TRPC4: variants seen among roughly 807,000 people sequenced by gnomAD.
TRPC4 encodes the protein transient receptor potential cation channel subfamily C member 4, also known as short transient receptor potential channel 4.
A neutral mutation model predicts 99.4 loss-of-function variants in TRPC4; 49 were observed. The observed-to-expected ratio is 0.49, with a 90% confidence interval of 0.39 to 0.63. The LOEUF (loss-of-function observed/expected upper bound fraction) is 0.63. Among genes scored for constraint, TRPC4 ranks in the 20% least tolerant of loss-of-function variants. The pLI, the probability that TRPC4 is intolerant of heterozygous loss-of-function variation, is 0.00. For missense variants in TRPC4, 898 were observed against 1,152.9 expected (o/e 0.78, Z 3.20); for synonymous variants, 454 against 425.9 (o/e 1.07, Z -0.81).
intron 1 of TRPC4, among the ~76,000 whole-genome samples, chr13:37,868,889 G>C (rs1248863164): frequency 1.3e-5 from 2 of 152,068 alleles, no homozygotes; most frequent in Non-Finnish European, 2.9e-5. Context: ...CTTGTCTCTA[G>C]TCGCAAAAGA....
chr13:37,688,807 T>C (rs1400048599), intron 4 of TRPC4, among the ~76,000 whole-genome samples: 1 of 152,098 alleles, frequency 6.6e-6, no homozygotes, highest in East Asian at 1.9e-4. Flanking sequence ...AGTCTACCAC[T>C]GAGACAATTA....
At chr13:37,704,402 T>A (rs888105192) in intron 3 of TRPC4, among the ~76,000 whole-genome samples, 2 of 152,118 alleles carry the variant, frequency 1.3e-5, no homozygotes, top group African/African-American at 4.8e-5. Flanking sequence ...ATAAAATAAG[T>A]CTGGCTGAGC....
At chr13:37,670,616 G>A (rs958167541) in intron 5 of TRPC4, among the ~76,000 whole-genome samples, 1 of 152,158 alleles carries the variant, frequency 6.6e-6, no homozygotes, top group Admixed American at 6.5e-5. Flanking sequence ...ATTTGTTCAA[G>A]TCCAATCTTC....
Position 37,636,942 on chromosome 13 carries a change from G to A in TRPC4, c.2895C>T (p.Asp965=), listed in dbSNP as rs115905341. Residue 965 remains aspartate, a synonymous_variant, in exon 11 of 11, where the codon GAC becomes GAT. Transcript: ENST00000379705. ...TCACGTAATCTTCGTGGGTGACTGT[G>A]TCTGGGAGGTTTAGATCATAGTCTA... is the stretch of plus-strand genomic sequence containing the variant. ...SSIDYDLNLP[D]TVTHEDYVTT... is the part of the protein sequence containing the mutation. The A allele has an allele frequency of 5.6e-6, 9 of 1,613,236 alleles. No homozygotes were observed. In the Middle Eastern group the frequency reaches 5.0e-4, roughly 89 times the overall value.
Position 37,692,007 on chromosome 13 carries a change from C to T in TRPC4, c.1226G>A (p.Trp409Ter). Residue 409 changes from tryptophan to a stop codon, truncating the protein, a stop_gained, in exon 4 of 11, where the codon TGG (tryptophan) becomes TAG (stop). Transcript: ENST00000379705. LOFTEE classifies it high-confidence loss of function. Reference protein sequence around the residue: ...PTIVEWMILPWVLGFIWGEIK... With the variant: ...PTIVEWMILP Reference sequence around the variant, plus strand: ...TATAGTAACACATTTACCCAGGACCCACGGTAATATCATCCACTCGACGAT... The same window carrying T: ...TATAGTAACACATTTACCCAGGACCTACGGTAATATCATCCACTCGACGAT... 3.1e-6 allele frequency: 5 copies of T among 1,612,310 alleles called. No individual in the cohort carries two copies. Among genetic ancestry groups the T allele is most frequent in the Non-Finnish European group, 4.2e-6 (5 of 1,178,582 alleles).
intron 1 of TRPC4, among the ~76,000 whole-genome samples, chr13:37,795,957 A>G (rs1439041451): frequency 1.3e-5 from 2 of 152,160 alleles, no homozygotes; most frequent in Non-Finnish European, 2.9e-5. Flanking sequence ...CATCCAGAAG[A>G]TGCAGCAAAA....
intron 1 of TRPC4, among the ~76,000 whole-genome samples, chr13:37,821,042 G>A (rs1051854411): frequency 2.0e-5 from 3 of 151,984 alleles, no homozygotes; most frequent in Admixed American, 2.0e-4. Flanking sequence ...AAGCCCCATA[G>A]TCTCTGCACA....
chr13:37,763,057 G>C (rs1172887000), intron 2 of TRPC4, among the ~76,000 whole-genome samples: 1 of 151,022 alleles, frequency 6.6e-6, no homozygotes, highest in Non-Finnish European at 1.5e-5. Context: ...GCCTTGAACA[G>C]GATTTTTGTG....
At chr13:37,790,822 T>G (rs1957099635) in intron 1 of TRPC4, among the ~76,000 whole-genome samples, 1 of 152,280 alleles carries the variant, frequency 6.6e-6, no homozygotes, top group Non-Finnish European at 1.5e-5. Context: ...TCTATTGAAC[T>G]TAGCTTTGCT....
chr13:37,842,488 T>G (rs1333062245), intron 1 of TRPC4, among the ~76,000 whole-genome samples: 1 of 152,076 alleles, frequency 6.6e-6, no homozygotes, highest in Admixed American at 6.6e-5. Flanking sequence ...AGCTGTTGTA[T>G]TGAAATAGGT....
At position 37,643,779 on chromosome 13, in the gene TRPC4, G is replaced by A. The variant is rs7999593; in HGVS notation, c.2080-4480C>T. ...TTTGACTAGTTGAGTGACATGTGAT[G>A]AAAGTGTAATTTCATTGATAGTCAT... On this transcript the variant is annotated intron_variant, in intron 8 of 10. Coordinates refer to ENST00000379705, the MANE Select transcript of TRPC4 (RefSeq NM_016179.4). Among the ~76,000 whole-genome samples the A allele has an allele frequency of 2.1e-4, 32 of 152,296 alleles. 1 individual carries two copies. The highest frequency in any genetic ancestry group is 7.0e-4 in the African/African-American group (29 of 41,560).
At position 37,636,793 on chromosome 13, in the gene TRPC4, A is replaced by T; in HGVS notation, c.*110T>A. The T allele has an allele frequency of 7.5e-7, 1 of 1,336,762 alleles. No homozygotes were observed. Among genetic ancestry groups the T allele is most frequent in the Non-Finnish European group, 1.0e-6 (1 of 995,224 alleles). 82.8% of individuals were successfully genotyped at this position (1,336,762 alleles called of 1,614,324 possible). The stretch of plus-strand genomic sequence containing the variant: ...ACAGGTAATATGCCACAGCTGATAA[A>T]CGCTATAAAGTGTAAGTTAGCATTT... On this transcript the variant is annotated 3_prime_UTR_variant, in exon 11 of 11. Transcript: ENST00000379705.
In TRPC4 at chr13:37,721,344, A is replaced by G. The variant is rs1399582532; in HGVS notation, c.897+24593T>C. Among the ~76,000 whole-genome samples the G allele has an allele frequency of 5.3e-5, 8 of 152,308 alleles. No homozygotes were observed. In the South Asian group the frequency reaches 1.4e-3, roughly 28 times the overall value. On this transcript the variant is annotated intron_variant, in intron 3 of 10. Coordinates refer to ENST00000379705, the MANE Select transcript of TRPC4 (RefSeq NM_016179.4). ...CCAGTAAGTCATTTATTGAAATGCA[A>G]AAGATTGTTAATAAAATTATTCCCA...
chr13:37,799,378 T>A (rs888219624), intron 1 of TRPC4, among the ~76,000 whole-genome samples: 1 of 152,338 alleles, frequency 6.6e-6, no homozygotes, highest in East Asian at 1.9e-4. Context: ...TTTTGTTTTC[T>A]GTTCCTTCTA....
intron 5 of TRPC4, among the ~76,000 whole-genome samples, chr13:37,672,242 C>T (rs1952874327): frequency 6.6e-6 from 1 of 152,176 alleles, no homozygotes; most frequent in South Asian, 2.1e-4. Flanking sequence ...ATGTACTATA[C>T]ATAAACATCA....
intron 1 of TRPC4, among the ~76,000 whole-genome samples, chr13:37,864,856 A>G (rs1959633406): frequency 6.6e-6 from 1 of 151,906 alleles, no homozygotes; most frequent in South Asian, 2.1e-4. Flanking sequence ...ATTTTTACAG[A>G]AACAAAAAGG....
At chr13:37,645,017 G>C (rs1345961466) in intron 8 of TRPC4, among the ~76,000 whole-genome samples, 2 of 151,208 alleles carry the variant, frequency 1.3e-5, no homozygotes, top group African/African-American at 4.9e-5. Flanking sequence ...TTCCTTAACT[G>C]AGTGTCTAGG....
chr13:37,681,055 A>C (rs1474870717), intron 4 of TRPC4, among the ~76,000 whole-genome samples: 4 of 152,220 alleles, frequency 2.6e-5, no homozygotes, highest in African/African-American at 9.6e-5. Flanking sequence ...TACATAAAGG[A>C]AGAAAGGCTT....
intron 2 of TRPC4, among the ~76,000 whole-genome samples, chr13:37,760,877 T>C (rs1404319631): frequency 6.6e-6 from 1 of 152,004 alleles, no homozygotes; most frequent in Non-Finnish European, 1.5e-5. Context: ...TATCAATAAC[T>C]ACTTTTACTT....
Sources: gnomAD v4.1 joint callset for allele counts (sites outside exome capture counted in the v4.1 genomes callset) on GRCh38, gnomAD v4.1.1 for gene constraint, MANE v1.5 for transcripts, NCBI Gene and HGNC (gene_info 2026-07-23, HGNC 2026-07-21) for gene names.